The following TENM2 variants were observed in gnomAD, a reference collection of about 807,000 sequenced individuals.
TENM2 encodes the protein teneurin transmembrane protein 2, also known as teneurin-2.
A neutral mutation model predicts 245.2 loss-of-function variants in TENM2; 52 were observed. The observed-to-expected ratio is 0.21, with a 90% CI of 0.17 to 0.27. The LOEUF is 0.27. TENM2 is among the 10% of genes least tolerant of loss of function. TENM2 has a pLI of 1.00. For missense variants in TENM2, 3,046 were observed against 3,666.8 expected, an observed-to-expected ratio of 0.83 and a Z score of 4.37; for synonymous variants, 1,363 against 1,438.9, an observed-to-expected ratio of 0.95 and a Z score of 1.19.
chr5:168,256,338 C>G lies in TENM2; in HGVS notation c.7433-3945C>G, dbSNP rs141390630. 7.9e-3 allele frequency among the ~76,000 whole-genome samples: 1,203 copies of G among 151,962 alleles called. 11 individuals carry two copies. Among genetic ancestry groups the G allele is most frequent in the Non-Finnish European group, 0.013 (853 of 67,974 alleles). On this transcript the variant is annotated intron_variant, in intron 27 of 28. Transcript: ENST00000518659. ...ACCTACCTGGTACATAGTAGATGCT[C>G]TGTAAATATATGGCTGTTGCCAGAT...
chr5:167,052,790 G>T, the TENM2 span, among the ~76,000 whole-genome samples: 1 of 150,846 alleles, frequency 6.6e-6, no homozygotes. Flanking sequence ...CCCTAAGTAA[G>T]CATTCTCCTG....
chr5:168,203,901 G>A (rs1762137209), intron 18 of TENM2, 69 bp downstream of exon 20: 6 of 1,405,264 alleles, frequency 4.3e-6, no homozygotes, highest in Non-Finnish European at 5.8e-6. Flanking sequence ...TCTAGCCTCA[G>A]CATTTAAGTG....
the TENM2 span, among the ~76,000 whole-genome samples, chr5:167,240,069 C>T: frequency 6.6e-6 from 1 of 152,220 alleles, no homozygotes; most frequent in African/African-American, 2.4e-5. Flanking sequence ...CCATTATGCC[C>T]AGCCTTTTTT....
chr5:167,975,600 C>G (rs988772222), intron 4 of TENM2, among the ~76,000 whole-genome samples: 1 of 152,096 alleles, frequency 6.6e-6, no homozygotes, highest in African/African-American at 2.4e-5. Flanking sequence ...GCAGACATGT[C>G]ACAGGGGTTG....
intron 27 of TENM2, among the ~76,000 whole-genome samples, chr5:168,254,521 A>G (rs112897621): frequency 0.077 from 11,673 of 151,164 alleles, 482 homozygotes; most frequent in South Asian, 0.15. Flanking sequence ...AGAGGAAGAA[A>G]GGGAGGAAGA....
intron 2 of TENM2, among the ~76,000 whole-genome samples, chr5:167,825,256 A>T (rs552937861): frequency 3.3e-5 from 5 of 151,266 alleles, no homozygotes; most frequent in Non-Finnish European, 7.4e-5. Context: ...GCTAATGAGT[A>T]CCTCTTTGCA....
At chr5:168,132,871 G>A (rs553479775) in intron 12 of TENM2, among the ~76,000 whole-genome samples, 5 of 152,208 alleles carry the variant, frequency 3.3e-5, no homozygotes, top group South Asian at 4.1e-4. Context: ...TTCCATCAAA[G>A]GAGAAGGGAA....
chr5:167,474,659 C>T (rs780582399), intron 2 of TENM2, among the ~76,000 whole-genome samples: 30 of 151,934 alleles, frequency 2.0e-4, no homozygotes, highest in Admixed American at 2.6e-4. Context: ...GGATTACAGG[C>T]GCTCACTACC....
intron 2 of TENM2, among the ~76,000 whole-genome samples, chr5:167,612,079 C>T (rs2127751563): frequency 6.6e-6 from 1 of 152,214 alleles, no homozygotes; most frequent in Middle Eastern, 3.4e-3. Flanking sequence ...AATGAATTCA[C>T]AAAGTCATGT....
intron 1 of TENM2, among the ~76,000 whole-genome samples, chr5:167,305,132 G>A (rs1028611262): frequency 2.0e-5 from 3 of 152,098 alleles, no homozygotes; most frequent in African/African-American, 7.2e-5. Flanking sequence ...TCCTACCAGG[G>A]TAGATTGGGA....
At chr5:167,200,171 G>GTA in the TENM2 span, among the ~76,000 whole-genome samples, 2,664 of 152,230 alleles carry the variant, frequency 0.017, 82 homozygotes, top group African/African-American at 0.061. Flanking sequence ...GTGTGTGTGT[G>GTA]TGAATTCTCC....
intron 1 of TENM2, among the ~76,000 whole-genome samples, chr5:167,297,266 C>G (rs561600073): frequency 6.6e-6 from 1 of 152,034 alleles, no homozygotes; most frequent in Admixed American, 6.6e-5. Flanking sequence ...GCAATATAAC[C>G]GAAGCTCATT....
the TENM2 span, among the ~76,000 whole-genome samples, chr5:167,148,750 A>G: frequency 2.6e-4 from 40 of 152,316 alleles, no homozygotes; most frequent in Non-Finnish European, 5.4e-4. Context: ...GGAAAAAAGG[A>G]GTTCAAAGTT....
chr5:167,707,697 G>A lies in TENM2; in HGVS notation c.503-168289G>A, dbSNP rs143157940. ...TCTTAGAACCCACTGCCTGAATGCC[G>A]TCTAGAATCCTAGCAAGTCTACCTT... On this transcript the variant is annotated intron_variant, in intron 2 of 28. Coordinates refer to ENST00000518659, the Ensembl canonical transcript of TENM2. Among the ~76,000 whole-genome samples, 1,070 of 152,260 alleles carry A rather than the reference G, an allele frequency of 7.0e-3. 13 individuals are homozygous for A. Among genetic ancestry groups the A allele is most frequent in the African/African-American group, 0.023 (976 of 41,554 alleles).
chr5:167,386,432 T>C (rs1761437386), intron 2 of TENM2, among the ~76,000 whole-genome samples: 3 of 152,322 alleles, frequency 2.0e-5, no homozygotes, highest in Middle Eastern at 6.8e-3. Context: ...GTCAGATGTA[T>C]AGATTGTGAA....
intron 1 of TENM2, 52 bp from the exon 4 acceptor site, chr5:167,375,146 T>C: frequency 6.6e-7 from 1 of 1,526,028 alleles, no homozygotes; most frequent in East Asian, 2.4e-5. Flanking sequence ...AATTTTAACT[T>C]TGTAAAGCAT....
At chr5:167,239,799 T>G in the TENM2 span, among the ~76,000 whole-genome samples, 1 of 152,174 alleles carries the variant, frequency 6.6e-6, no homozygotes, top group Non-Finnish European at 1.5e-5. Flanking sequence ...TGAGATGGAG[T>G]TTTGCTCTTG....
At chr5:167,826,280 G>A (rs1767967968) in intron 2 of TENM2, among the ~76,000 whole-genome samples, 1 of 152,174 alleles carries the variant, frequency 6.6e-6, no homozygotes, top group African/African-American at 2.4e-5. Context: ...GGTCAGTTCT[G>A]ACTAACTGGG....
intron 2 of TENM2, among the ~76,000 whole-genome samples, chr5:167,424,537 A>G (rs937304147): frequency 9.2e-5 from 14 of 152,178 alleles, no homozygotes; most frequent in African/African-American, 3.1e-4. Context: ...CAATCTCGTC[A>G]CTTTTATTTT....
Sources: gnomAD v4.1 joint callset for allele counts (sites outside exome capture counted in the v4.1 genomes callset) on GRCh38, gnomAD v4.1.1 for gene constraint, MANE v1.5 for transcripts, NCBI Gene and HGNC (gene_info 2026-07-23, HGNC 2026-07-21) for gene names.